Variants in OVCH1 observed in about 807,000 individuals in gnomAD.
OVCH1 encodes ovochymase 1.
Under a neutral mutation model 138.4 loss-of-function variants are expected in OVCH1, and 139 were observed. The observed-to-expected ratio is 1.00, with a 90% CI of 0.87 to 1.16. The LOEUF (loss-of-function observed/expected upper bound fraction) is 1.16. Among genes scored for constraint, OVCH1 ranks in the 50% most tolerant of loss-of-function variants. OVCH1 has a pLI of 0.00. For synonymous variants in OVCH1, 453 were observed against 467.8 expected (o/e 0.97, Z 0.41); for missense variants, 1,367 against 1,357.9 (o/e 1.01, Z -0.11).
chr12:29,495,434 A>C (rs111993736), exon 4 of OVCH1: 4 of 1,613,046 alleles, frequency 2.5e-6, no homozygotes, highest in Non-Finnish European at 3.4e-6. Context: ...CCCAGAAGTC[A>C]CAGTTATATT....
intron 22 of OVCH1, among the ~76,000 whole-genome samples, chr12:29,448,254 C>T (rs1167487632): frequency 6.6e-6 from 1 of 150,780 alleles, no homozygotes; most frequent in East Asian, 2.0e-4. Context: ...GTAATGCTTG[C>T]CAGTTGTTCA....
intron 25 of OVCH1, among the ~76,000 whole-genome samples, chr12:29,442,150 C>G (rs898168406): frequency 1.3e-5 from 2 of 151,920 alleles, no homozygotes; most frequent in Non-Finnish European, 2.9e-5. Context: ...ATAAATCATG[C>G]TGCTACAAAG....
intron 25 of OVCH1, 141 bp from the exon 26 acceptor site, chr12:29,440,885 G>A (rs1273437181): frequency 2.5e-6 from 1 of 394,550 alleles, no homozygotes; most frequent in Non-Finnish European, 5.0e-6. Context: ...AGTGACACTT[G>A]TATCTGGGCC....
intron 8 of OVCH1, among the ~76,000 whole-genome samples, chr12:29,485,969 AAAATAAAT>A (rs60243865): frequency 0.22 from 29,680 of 136,150 alleles, 3,301 homozygotes; most frequent in African/African-American, 0.31. Flanking sequence ...AAAATAAAAT[AAAATAAAT>A]AAATAAATAA....
At position 29,445,300 on chromosome 12, in the gene OVCH1, G is replaced by A. The variant is rs1251550452; in HGVS notation, c.2859C>T (p.Ser953=). 5.0e-6 allele frequency: 8 copies of A among 1,611,604 alleles called. No individual in the cohort carries two copies. The Admixed American group carries it at 6.7e-5, about 13-fold the overall frequency. ...TACCTAGGACTTTCAAGACAATATAGCTTATACCAAATGCACCTCGTACAA... is the reference window on the plus strand; with the variant it reads ...TACCTAGGACTTTCAAGACAATATAACTTATACCAAATGCACCTCGTACAA... Residue 953 remains serine, a synonymous_variant, in exon 23 of 28, where the codon AGC becomes AGT. Transcript: ENST00000318184.
chr12:29,450,661 C>G (rs967904684), intron 22 of OVCH1, among the ~76,000 whole-genome samples: 1 of 152,052 alleles, frequency 6.6e-6, no homozygotes, highest in Non-Finnish European at 1.5e-5. Context: ...CGATCCCATT[C>G]CTGGGTATAT....
chr12:29,427,629 G>T (rs766136282), exon 28 of OVCH1: 1 of 1,551,216 alleles, frequency 6.4e-7, no homozygotes, highest in South Asian at 1.2e-5. Flanking sequence ...CTGGATCCTG[G>T]ACTTCTCAGC....
intron 27 of OVCH1, chr12:29,431,033 G>T: frequency 2.8e-6 from 1 of 363,498 alleles, no homozygotes; most frequent in South Asian, 2.2e-5. Flanking sequence ...AGAACATTCA[G>T]GGTCAATACA....
chr12:29,433,720 A>G, intron 27 of OVCH1: 1 of 1,410,034 alleles, frequency 7.1e-7, no homozygotes, highest in East Asian at 2.7e-5. Context: ...ATTTTTTTCT[A>G]TTTTATGTTA....
downstream of OVCH1, among the ~76,000 whole-genome samples, chr12:29,424,518 A>G (rs891687755): frequency 5.3e-5 from 8 of 152,200 alleles, no homozygotes; most frequent in South Asian, 8.3e-4. Flanking sequence ...ATAAGGCGGT[A>G]GGTAGGAGAC....
intron 27 of OVCH1, among the ~76,000 whole-genome samples, chr12:29,429,312 A>C (rs766488538): frequency 1.5e-4 from 23 of 152,250 alleles, no homozygotes; most frequent in Non-Finnish European, 2.9e-4. Context: ...TTTGTACTAA[A>C]AAGTCAAGAC....
At chr12:29,407,132 C>A in the OVCH1 span, among the ~76,000 whole-genome samples, 515 of 151,534 alleles carry the variant, frequency 3.4e-3, 4 homozygotes, top group Middle Eastern at 0.024. Flanking sequence ...TCATGTCCTT[C>A]GCCCACTTCT....
intron 22 of OVCH1, among the ~76,000 whole-genome samples, chr12:29,447,431 A>G (rs898315009): frequency 2.0e-5 from 3 of 152,212 alleles, no homozygotes; most frequent in Admixed American, 6.5e-5. Flanking sequence ...AATGGCAGTG[A>G]AAATTAAGTT....
intron 3 of OVCH1, among the ~76,000 whole-genome samples, chr12:29,417,760 AGTGT>A (rs55835508): frequency 0.29 from 43,199 of 149,476 alleles, 7,302 homozygotes; most frequent in Middle Eastern, 0.45. Context: ...CTGGCCTACA[AGTGT>A]GTGTGTGTGT....
chr12:29,424,717 A>G (rs1182967672), downstream of OVCH1, among the ~76,000 whole-genome samples: 1 of 152,216 alleles, frequency 6.6e-6, no homozygotes, highest in East Asian at 1.9e-4. Flanking sequence ...TGGAGATAAT[A>G]ACTCCATAAT....
At chr12:29,453,166 A>G (rs1941846545) in intron 21 of OVCH1, among the ~76,000 whole-genome samples, 1 of 152,132 alleles carries the variant, frequency 6.6e-6, no homozygotes, top group Non-Finnish European at 1.5e-5. Flanking sequence ...ATTGAAATCA[A>G]TAGTTTATAG....
chr12:29,420,452 T>C (rs1941086909), intron 3 of OVCH1, among the ~76,000 whole-genome samples: 1 of 151,702 alleles, frequency 6.6e-6, no homozygotes, highest in Admixed American at 6.6e-5. Context: ...GTTAGTCACT[T>C]ATTTTAAAAA....
downstream of OVCH1, among the ~76,000 whole-genome samples, chr12:29,410,522 C>T (rs1940941136): frequency 8.3e-6 from 1 of 120,866 alleles, no homozygotes; most frequent in East Asian, 2.3e-4. Flanking sequence ...CAAAATCTGT[C>T]AGCATTTGCT....
chr12:29,477,180 A>C (rs951912058), exon 12 of OVCH1: 1 of 1,613,684 alleles, frequency 6.2e-7, no homozygotes, highest in Non-Finnish European at 8.5e-7. Flanking sequence ...GATACTTGGC[A>C]GAGTGATTTG....
Sources: gnomAD v4.1 joint callset for allele counts (sites outside exome capture counted in the v4.1 genomes callset) on GRCh38, gnomAD v4.1.1 for gene constraint, MANE v1.5 for transcripts, NCBI Gene and HGNC (gene_info 2026-07-23, HGNC 2026-07-21) for gene names.